DPP10: variants seen among roughly 807,000 people sequenced by gnomAD.
DPP10 encodes the protein inactive dipeptidyl peptidase 10.
DPP10 carries 33 observed loss-of-function variants against 120.9 expected under a neutral mutation model. The observed-to-expected ratio is 0.27, with a 90% CI of 0.21 to 0.37. The LOEUF (loss-of-function observed/expected upper bound fraction) is 0.37. Ranked by LOEUF, DPP10 falls within the 10% of genes least tolerant of loss-of-function variation. The pLI, the probability that DPP10 is intolerant of heterozygous loss-of-function variation, is 1.00. For missense variants in DPP10, 816 were observed against 942.8 expected (o/e 0.87, Z 1.76); for synonymous variants, 337 against 326.1 (o/e 1.03, Z -0.36).
intron 1 of DPP10, among the ~76,000 whole-genome samples, chr2:114,978,035 C>T (rs1184424934): frequency 6.6e-6 from 1 of 151,778 alleles, no homozygotes; most frequent in Non-Finnish European, 1.5e-5. Flanking sequence ...CCAGACATGA[C>T]AAAAATGAAG....
intron 1 of DPP10, among the ~76,000 whole-genome samples, chr2:114,748,362 T>A (rs1254496478): frequency 1.6e-5 from 2 of 124,730 alleles, no homozygotes; most frequent in African/African-American, 6.7e-5. Flanking sequence ...TTTTTTTTTA[T>A]TTTATTTATT....
intron 1 of DPP10, among the ~76,000 whole-genome samples, chr2:114,861,554 A>T (rs530168894): frequency 6.6e-6 from 1 of 152,340 alleles, no homozygotes; most frequent in East Asian, 1.9e-4. Context: ...TACTCAGTGC[A>T]TGAGTTTAAA....
intron 1 of DPP10, among the ~76,000 whole-genome samples, chr2:114,890,988 T>G (rs760020967): frequency 3.9e-5 from 6 of 152,334 alleles, no homozygotes; most frequent in South Asian, 2.1e-4. Context: ...CCGAGTTTTA[T>G]CTGCTACTGG....
chr2:114,663,666 T>TAGAGAGAGAGAGAGAGAGAGAG (rs1264946349), intron 1 of DPP10, among the ~76,000 whole-genome samples: 69 of 92,584 alleles, frequency 7.5e-4, no homozygotes, highest in African/African-American at 1.8e-3. Flanking sequence ...TATATATATA[T>TAGAGAGAGAGAGAGAGAGAGAG]ATAGAGAGAG....
chr2:115,792,856 C>G (rs563923444), intron 19 of DPP10, among the ~76,000 whole-genome samples: 44 of 152,230 alleles, frequency 2.9e-4, no homozygotes, highest in African/African-American at 8.9e-4. Context: ...CCTAGGCATC[C>G]CTCAGTATGT....
At chr2:115,284,135 T>C (rs1257872604) in intron 1 of DPP10, among the ~76,000 whole-genome samples, 2 of 152,188 alleles carry the variant, frequency 1.3e-5, no homozygotes, top group East Asian at 1.9e-4. Flanking sequence ...CAAACTCTTA[T>C]GTGATTCTAA....
At chr2:114,561,907 C>T (rs539459097) in intron 1 of DPP10, among the ~76,000 whole-genome samples, 5 of 152,190 alleles carry the variant, frequency 3.3e-5, no homozygotes, top group Admixed American at 2.0e-4. Flanking sequence ...TTTCATCATA[C>T]GTGCTTCACA....
rs988791293 is a variant in DPP10, at chr2:115,529,910, A to G, written c.441+3938A>G. 4.6e-5 allele frequency among the ~76,000 whole-genome samples: 7 copies of G among 152,278 alleles called. 1 individual carries two copies. Among genetic ancestry groups the G allele is most frequent in the Admixed American group, 1.3e-4 (2 of 15,282 alleles). The stretch of plus-strand genomic sequence containing the variant: ...TTATTTTTAAATAGTAACTTTGTGT[A>G]ATTTAGGTTTATGTTTTTAAAATGT... On this transcript the variant is annotated intron_variant, in intron 5 of 25. Transcript: ENST00000410059.
At chr2:114,759,435 A>C (rs527436495) in intron 1 of DPP10, among the ~76,000 whole-genome samples, 5 of 151,858 alleles carry the variant, frequency 3.3e-5, no homozygotes, top group African/African-American at 1.2e-4. Flanking sequence ...TTTCTTCTAC[A>C]TTAAGGAGTC....
chr2:115,798,869 T>C (rs1216312160), intron 19 of DPP10, among the ~76,000 whole-genome samples: 1 of 152,126 alleles, frequency 6.6e-6, no homozygotes, highest in Admixed American at 6.6e-5. Context: ...TTCTCATTTT[T>C]AGCATGCCAT....
intron 5 of DPP10, among the ~76,000 whole-genome samples, chr2:115,537,603 A>G (rs13001120): frequency 0.97 from 141,224 of 145,788 alleles, 68,569 homozygotes; most frequent in East Asian, 1. Flanking sequence ...TGTATGGTCT[A>G]GAACAAAAAA....
intron 1 of DPP10, among the ~76,000 whole-genome samples, chr2:115,151,653 C>T (rs150503524): frequency 2.6e-5 from 4 of 151,430 alleles, no homozygotes; most frequent in Non-Finnish European, 2.9e-5. Flanking sequence ...GTGATCCACC[C>T]GCCTCGGCTT....
At chr2:115,707,130 A>T (rs1302480754) in intron 7 of DPP10, among the ~76,000 whole-genome samples, 1 of 152,002 alleles carries the variant, frequency 6.6e-6, no homozygotes, top group East Asian at 1.9e-4. Flanking sequence ...AAACACAAAG[A>T]AATAGACAAA....
At chr2:114,757,266 AAAGG>A (rs889292578) in intron 1 of DPP10, among the ~76,000 whole-genome samples, 6 of 131,978 alleles carry the variant, frequency 4.5e-5, no homozygotes, top group African/African-American at 1.8e-4. Flanking sequence ...GAAGAGGGAG[AAAGG>A]AAGGAAAGAA....
chr2:115,170,308 A>T (rs182805814), intron 1 of DPP10, among the ~76,000 whole-genome samples: 240 of 152,326 alleles, frequency 1.6e-3, no homozygotes, highest in African/African-American at 5.6e-3. Context: ...TCATAAAGCA[A>T]TCCTTTAAAT....
intron 1 of DPP10, among the ~76,000 whole-genome samples, chr2:114,625,122 T>G (rs2105347883): frequency 6.6e-6 from 1 of 152,130 alleles, no homozygotes; most frequent in African/African-American, 2.4e-5. Context: ...AAGATTCATA[T>G]GGTAGTTGGC....
At chr2:115,336,807 T>A (rs1020825701) in intron 2 of DPP10, among the ~76,000 whole-genome samples, 1 of 152,000 alleles carries the variant, frequency 6.6e-6, no homozygotes, top group Non-Finnish European at 1.5e-5. Context: ...AAAGAGTGTC[T>A]CAAAATGATT....
chr2:114,779,932 C>G lies in DPP10; in HGVS notation c.60+337094C>G, dbSNP rs374852984. Among the ~76,000 whole-genome samples the G allele has an allele frequency of 5.4e-4, 82 of 152,082 alleles. 3 individuals are homozygous for G. In the South Asian group the frequency reaches 6.2e-3, roughly 12 times the overall value. On this transcript the variant is annotated intron_variant, in intron 1 of 25. Coordinates refer to ENST00000410059, the MANE Select transcript of DPP10 (RefSeq NM_020868.6). ...CGGGCGGATCACGAGGTCAGGAGAT[C>G]GAGACCATCCTGGCTAACATGGTGA...
intron 1 of DPP10, among the ~76,000 whole-genome samples, chr2:114,935,809 C>G (rs146672391): frequency 6.6e-6 from 1 of 151,118 alleles, no homozygotes; most frequent in Non-Finnish European, 1.5e-5. Flanking sequence ...GACAATCTTA[C>G]GAAGAAGCAA....
Sources: gnomAD v4.1 joint callset for allele counts (sites outside exome capture counted in the v4.1 genomes callset) on GRCh38, gnomAD v4.1.1 for gene constraint, MANE v1.5 for transcripts, NCBI Gene and HGNC (gene_info 2026-07-23, HGNC 2026-07-21) for gene names.